The following HRK variants were observed in gnomAD, a reference collection of about 807,000 sequenced individuals.
HRK encodes harakiri, BCL2 interacting protein, also known as activator of apoptosis harakiri.
In HRK, 6 loss-of-function variants were observed where a neutral mutation model predicts 5.9. That is an observed-to-expected ratio of 1.02 (90% confidence interval 0.56 to 2.01). The LOEUF (loss-of-function observed/expected upper bound fraction) is 2.01, where lower values mean the gene tolerates loss of function less well. Among genes scored for constraint, HRK ranks in the 30% most tolerant of loss-of-function variants. The pLI, the probability that HRK is intolerant of heterozygous loss-of-function variation, is 0.00. For missense variants in HRK, 133 were observed against 128.3 expected, an observed-to-expected ratio of 1.04 and a Z score of -0.18; for synonymous variants, 85 against 65.1, an observed-to-expected ratio of 1.31 and a Z score of -1.47.
chr12:116,881,068 C>A lies in HRK; in HGVS notation c.240G>T (p.Ala80=). ...PWLCAAAQVA[A]LAAWLLGRRN... ...GCCTGCCGAGCAGCCAGGCCGCCAG[C>A]GCCGCCACCTGCGCGGCCGCGCACA... is the stretch of plus-strand genomic sequence containing the variant. The change falls in exon 1 of 2, where the codon GCG becomes GCT. Residue 80 remains alanine, a synonymous_variant. Transcript: ENST00000257572. 1 of 1,352,722 alleles carries A rather than the reference C, an allele frequency of 7.4e-7. No individual in the cohort carries two copies. The highest frequency in any genetic ancestry group is 9.5e-7 in the Non-Finnish European group (1 of 1,053,316). The allele number at this position is 1,352,722 out of a possible 1,614,324, so 83.8% of individuals were successfully genotyped here.
At chr12:116,871,609 A>G (rs1406757391) in intron 1 of HRK, among the ~76,000 whole-genome samples, 11 of 149,558 alleles carry the variant, frequency 7.4e-5, no homozygotes, top group Middle Eastern at 3.2e-3. Context: ...CAGCCAAAAA[A>G]AAAAAAAAAA....
chr12:116,880,300 G>A (rs959541770), intron 1 of HRK, among the ~76,000 whole-genome samples: 3 of 152,214 alleles, frequency 2.0e-5, no homozygotes, highest in Admixed American at 6.5e-5. Context: ...AACCGTCTGG[G>A]GAGAAGGAAG....
intron 1 of HRK, among the ~76,000 whole-genome samples, chr12:116,864,085 G>A (rs1257441036): frequency 6.6e-6 from 1 of 152,138 alleles, no homozygotes; most frequent in Non-Finnish European, 1.5e-5. Flanking sequence ...CATAGAATAT[G>A]GAATTAGTCA....
rs1878690355 is a variant in HRK, at chr12:116,870,032, A to T, written c.*57-8566T>A. On this transcript the variant is annotated intron_variant, in intron 1 of 1. Transcript: ENST00000257572. ...GAGGCAGAGGTTGCAGTGAGCCAAG[A>T]TCGTGCCGCTGCACTCCAGCCTGGG... Among the ~76,000 whole-genome samples, 3 of 152,190 alleles carry T rather than the reference A, an allele frequency of 2.0e-5. No homozygotes were observed. In the South Asian group the frequency reaches 6.2e-4, roughly 32 times the overall value.
chr12:116,871,825 G>T (rs940272081), intron 1 of HRK, among the ~76,000 whole-genome samples: 1 of 151,354 alleles, frequency 6.6e-6, no homozygotes, highest in African/African-American at 2.4e-5. Flanking sequence ...GTAAAGATTG[G>T]GTCTCACTTT....
At chr12:116,880,830 G>A (rs1004830894) in intron 1 of HRK, 146 bp downstream of exon 1, 2 of 333,596 alleles carry the variant, frequency 6.0e-6, no homozygotes, top group African/African-American at 4.3e-5. Flanking sequence ...GAGGAGAGGT[G>A]GAGATGCTTG....
chr12:116,869,088 C>A (rs1216955700), intron 1 of HRK, among the ~76,000 whole-genome samples: 2 of 152,118 alleles, frequency 1.3e-5, no homozygotes, highest in Admixed American at 6.6e-5. Context: ...ATCCTCCCAC[C>A]TCAGCCTCCC....
In HRK at chr12:116,858,779, G is replaced by A. The variant is rs939841354; in HGVS notation, c.*2744C>T. On this transcript the variant is annotated 3_prime_UTR_variant, in exon 2 of 2. Coordinates refer to ENST00000257572, the MANE Select transcript of HRK (RefSeq NM_003806.4). Reference sequence around the variant, plus strand: ...AGAGAAAAGTGGGGGAGCGGTGGAGGAGAGGGAGGGATGTTGCCAGCACTT... The same window carrying A: ...AGAGAAAAGTGGGGGAGCGGTGGAGAAGAGGGAGGGATGTTGCCAGCACTT... 1 of 151,652 alleles carries A rather than the reference G, an allele frequency of 6.6e-6. No individual in the cohort carries two copies. The highest frequency in any genetic ancestry group is 1.5e-5 in the Non-Finnish European group (1 of 67,980). 9.4% of individuals were successfully genotyped at this position (151,652 alleles called of 1,614,324 possible).
chr12:116,881,326 C>G lies in HRK; in HGVS notation c.-19G>C, dbSNP rs1879150227. The G allele has an allele frequency of 4.7e-6, 5 of 1,063,564 alleles. No homozygotes were observed. The highest frequency in any genetic ancestry group is 5.7e-6 in the Non-Finnish European group (5 of 882,032). The allele number at this position is 1,063,564 out of a possible 1,614,324, so 65.9% of individuals were successfully genotyped here. On this transcript the variant is annotated 5_prime_UTR_variant, in exon 1 of 2. Coordinates refer to ENST00000257572, the MANE Select transcript of HRK (RefSeq NM_003806.4). ...GGCACATGACCGCTGGCCTCGCTCC[C>G]GCCCCGCGCTCGGGCCGCCCCTCGC...
chr12:116,875,341 G>A (rs1181584380), intron 1 of HRK, among the ~76,000 whole-genome samples: 1 of 152,096 alleles, frequency 6.6e-6, no homozygotes, highest in Non-Finnish European at 1.5e-5. Context: ...CACAGAAGTA[G>A]TAACAAGAAC....
At chr12:116,874,043 A>G (rs1447503840) in intron 1 of HRK, among the ~76,000 whole-genome samples, 1 of 152,290 alleles carries the variant, frequency 6.6e-6, no homozygotes, top group East Asian at 1.9e-4. Context: ...GGGAGTGGGC[A>G]TGAGTGAGTT....
At chr12:116,871,463 A>G (rs1448043282) in intron 1 of HRK, among the ~76,000 whole-genome samples, 3 of 149,214 alleles carry the variant, frequency 2.0e-5, no homozygotes, top group Non-Finnish European at 4.4e-5. Context: ...CCACCACACC[A>G]GGCTAATTTG....
rs2137241905 is a variant in HRK at position 116,860,863 on chromosome 12, C to A, written c.*660G>T. The A allele has an allele frequency of 6.6e-6, 1 of 152,438 alleles. No individual in the cohort carries two copies. The highest frequency in any genetic ancestry group is 2.4e-5 in the African/African-American group (1 of 41,566). 9.4% of individuals were successfully genotyped at this position (152,438 alleles called of 1,614,324 possible). A position where few individuals can be genotyped will look rare whatever the true frequency, so the allele number is the denominator to read the frequency against. Reference sequence around the variant, plus strand: ...AGTGAAGCACCAGAGACACAAAAATCCCATTTCTCTTGACGTGACAGTGGG... The same window carrying A: ...AGTGAAGCACCAGAGACACAAAAATACCATTTCTCTTGACGTGACAGTGGG... On this transcript the variant is annotated 3_prime_UTR_variant, in exon 2 of 2. Coordinates refer to ENST00000257572, the MANE Select transcript of HRK (RefSeq NM_003806.4).
At position 116,870,987 on chromosome 12, in the gene HRK, C is replaced by T. The variant is rs182883782; in HGVS notation, c.*57-9521G>A. On this transcript the variant is annotated intron_variant, in intron 1 of 1. Transcript: ENST00000257572. ...AAGCTGGAGTGCAATGGCATGATCT[C>T]GGCTCACTGCAACCTCTGCCTCCTG... 4.0e-3 allele frequency among the ~76,000 whole-genome samples: 610 copies of T among 152,330 alleles called. 3 individuals are homozygous for T. The highest frequency in any genetic ancestry group is 0.013 in the African/African-American group (554 of 41,586).
intron 1 of HRK, chr12:116,876,827 C>CAGG (rs1415102526): frequency 2.0e-5 from 3 of 152,332 alleles, no homozygotes; most frequent in Non-Finnish European, 4.4e-5. Context: ...TTCACTTGTA[C>CAGG]AGGAATTCAC....
chr12:116,868,728 G>A (rs1168419060), intron 1 of HRK, among the ~76,000 whole-genome samples: 2 of 152,160 alleles, frequency 1.3e-5, no homozygotes, highest in Non-Finnish European at 2.9e-5. Context: ...ATACAGTAAT[G>A]GGCAAAATAG....
At chr12:116,866,596 T>G (rs1224990917) in intron 1 of HRK, among the ~76,000 whole-genome samples, 1 of 152,054 alleles carries the variant, frequency 6.6e-6, no homozygotes, top group South Asian at 2.1e-4. Context: ...AAGAGGCCAT[T>G]TGGCAGCCTC....
rs1485618617 is a variant in HRK at position 116,859,746 on chromosome 12, A to C, written c.*1777T>G. 1 of 152,110 alleles carries C rather than the reference A, an allele frequency of 6.6e-6. No individual in the cohort carries two copies. The highest frequency in any genetic ancestry group is 1.5e-5 in the Non-Finnish European group (1 of 68,046). 9.4% of individuals were successfully genotyped at this position (152,110 alleles called of 1,614,324 possible). ...TCTCTTTAAAGGGCTATTTAGGAAAACACAAGGAACGGATTTTAAAAGGAA... is the reference window on the plus strand; with the variant it reads ...TCTCTTTAAAGGGCTATTTAGGAAACCACAAGGAACGGATTTTAAAAGGAA... On this transcript the variant is annotated 3_prime_UTR_variant, in exon 2 of 2. Coordinates refer to ENST00000257572, the MANE Select transcript of HRK (RefSeq NM_003806.4).
chr12:116,872,643 C>T (rs1294355708), intron 1 of HRK, among the ~76,000 whole-genome samples: 2 of 151,944 alleles, frequency 1.3e-5, no homozygotes, highest in African/African-American at 2.4e-5. Flanking sequence ...GGTGTGGTGG[C>T]GTGCACCTGT....
Sources: allele counts gnomAD v4.1 joint callset (sites outside exome capture counted in the v4.1 genomes callset), GRCh38; gene constraint gnomAD v4.1.1; transcripts MANE v1.5; gene names NCBI Gene and HGNC (gene_info 2026-07-23, HGNC 2026-07-21).